Variants in KCNJ6 observed in about 807,000 individuals in gnomAD.
KCNJ6 encodes the protein G protein-activated inward rectifier potassium channel 2.
In KCNJ6, 9 loss-of-function variants were observed where a neutral mutation model predicts 34.2. That is an observed-to-expected ratio of 0.26 (90% CI 0.16 to 0.46). The LOEUF (loss-of-function observed/expected upper bound fraction) is 0.46, where lower values mean the gene tolerates loss of function less well. KCNJ6 is among the 20% of genes least tolerant of loss of function. The pLI, the probability that KCNJ6 is intolerant of heterozygous loss-of-function variation, is 1.00. For missense variants in KCNJ6, 236 were observed against 531.3 expected, an observed-to-expected ratio of 0.44 and a Z score of 5.46; for synonymous variants, 196 against 207.1, an observed-to-expected ratio of 0.95 and a Z score of 0.46.
intron 2 of KCNJ6, chr21:37,719,579 T>C (rs1323224378): frequency 1.3e-5 from 2 of 152,196 alleles, no homozygotes; most frequent in Non-Finnish European, 2.9e-5. Flanking sequence ...GCTGAGAACT[T>C]TGATGATTTA....
At chr21:37,685,958 A>T (rs1163986996) in intron 3 of KCNJ6, among the ~76,000 whole-genome samples, 4 of 152,098 alleles carry the variant, frequency 2.6e-5, no homozygotes, top group African/African-American at 2.4e-5. Context: ...CAATAGGAAT[A>T]TGTATGAATA....
chr21:37,670,955 G>A (rs2123407867), intron 3 of KCNJ6, among the ~76,000 whole-genome samples: 1 of 152,268 alleles, frequency 6.6e-6, no homozygotes, highest in South Asian at 2.1e-4. Context: ...TATTGTCAAT[G>A]GGCCTGTTTT....
At chr21:37,732,649 G>C (rs1231848334) in intron 2 of KCNJ6, among the ~76,000 whole-genome samples, 9 of 152,172 alleles carry the variant, frequency 5.9e-5, no homozygotes, top group African/African-American at 2.2e-4. Flanking sequence ...TCACGACAGA[G>C]GAAAGAATAG....
chr21:37,646,326 T>C (rs982245711), intron 3 of KCNJ6, among the ~76,000 whole-genome samples: 3 of 152,226 alleles, frequency 2.0e-5, no homozygotes, highest in Non-Finnish European at 4.4e-5. Context: ...ATCACCACCA[T>C]GTGCCCAAGT....
At chr21:37,807,444 A>G (rs2055298971) in intron 2 of KCNJ6, among the ~76,000 whole-genome samples, 1 of 152,254 alleles carries the variant, frequency 6.6e-6, no homozygotes, top group African/African-American at 2.4e-5. Flanking sequence ...GTCCATTGTC[A>G]TATTTAAGAA....
chr21:37,673,697 G>A (rs942145871), intron 3 of KCNJ6, among the ~76,000 whole-genome samples: 1 of 152,206 alleles, frequency 6.6e-6, no homozygotes, highest in Non-Finnish European at 1.5e-5. Context: ...TTTTAGAGGT[G>A]TGTTCAGAGT....
At position 37,714,868 on chromosome 21, in the gene KCNJ6, C is replaced by A. The variant is rs1569450718; in HGVS notation, c.289G>T (p.Val97Phe). ...LKWRFNLLIF[V>F]MVYTVTWLFF... is the part of the protein sequence containing the mutation. ...AGCCAGGTCACTGTGTAAACCATGA[C>A]AAAAATCAATAGGTTGAATCTCCAC... Residue 97 changes from valine (V) to phenylalanine (F), a missense_variant, in exon 3 of 4, where the codon GTC becomes TTC. By Grantham distance (50) the Val-to-Phe change is conservative. Transcript: ENST00000609713. The surrounding 1 kb of genome is among the most constrained non-coding windows in gnomAD (Gnocchi z 5.9). 6.2e-7 allele frequency: 1 copy of A among 1,614,216 alleles called. No homozygotes were observed. The highest frequency in any genetic ancestry group is 2.2e-5 in the East Asian group (1 of 44,882).
intron 3 of KCNJ6, among the ~76,000 whole-genome samples, chr21:37,640,418 C>T (rs1700222959): frequency 6.6e-6 from 1 of 152,246 alleles, no homozygotes; most frequent in Admixed American, 6.5e-5. Flanking sequence ...TGTGAAGCAT[C>T]ACATGTGAAA....
intron 3 of KCNJ6, among the ~76,000 whole-genome samples, chr21:37,630,294 C>T (rs2054328596): frequency 6.6e-6 from 1 of 152,122 alleles, no homozygotes; most frequent in Non-Finnish European, 1.5e-5. Flanking sequence ...TCTTGATCTC[C>T]TTTGAGCATG....
At chr21:37,893,006 C>T (rs1481455742) in intron 1 of KCNJ6, among the ~76,000 whole-genome samples, 1 of 151,786 alleles carries the variant, frequency 6.6e-6, no homozygotes, top group Non-Finnish European at 1.5e-5. Flanking sequence ...GCGCCCGCCA[C>T]CCAGGCCAGC....
chr21:37,769,135 C>T (rs182144145), intron 2 of KCNJ6, among the ~76,000 whole-genome samples: 4 of 152,314 alleles, frequency 2.6e-5, no homozygotes, highest in African/African-American at 9.6e-5. Flanking sequence ...AGTTAGGACA[C>T]TAGGCTGTGG....
At chr21:37,810,665 G>T (rs1338965565) in intron 2 of KCNJ6, among the ~76,000 whole-genome samples, 1 of 152,050 alleles carries the variant, frequency 6.6e-6, no homozygotes, top group Non-Finnish European at 1.5e-5. Flanking sequence ...TGTGTCTATT[G>T]ACCCTTGATC....
At chr21:37,896,008 C>T (rs555667466) in intron 1 of KCNJ6, among the ~76,000 whole-genome samples, 20 of 152,266 alleles carry the variant, frequency 1.3e-4, no homozygotes, top group African/African-American at 4.1e-4. Flanking sequence ...AAGGGGCTCA[C>T]GGTTCTGCAG....
intron 2 of KCNJ6, 75 bp downstream of exon 2, chr21:37,840,583 G>T: frequency 1.0e-6 from 1 of 961,700 alleles, no homozygotes; most frequent in Non-Finnish European, 1.7e-6. Context: ...ATCATCACAC[G>T]GGATGTCTTT....
intron 2 of KCNJ6, among the ~76,000 whole-genome samples, chr21:37,744,692 G>A (rs951728758): frequency 1.7e-4 from 26 of 152,254 alleles, no homozygotes; most frequent in Admixed American, 7.2e-4. Context: ...CCTATGCAAT[G>A]TTTTTCAGAT....
rs1054360380 is a variant in KCNJ6 at position 37,802,431 on chromosome 21, CAAGGGT to C, written c.25+38221_25+38226del. ...TTATCCAGAGGGCCCAATATAATCA[CAAGGGT>C]CCTTATAAGGGTAGGGCGGGAGGGA... On this transcript the variant is annotated intron_variant, in intron 2 of 3. Coordinates refer to ENST00000609713, the MANE Select transcript of KCNJ6 (RefSeq NM_002240.5). Among the ~76,000 whole-genome samples, 43 of 150,808 alleles carry C rather than the reference CAAGGGT, an allele frequency of 2.9e-4. 1 individual carries two copies. Among genetic ancestry groups the C allele is most frequent in the African/African-American group, 9.8e-4 (40 of 40,984 alleles).
At chr21:37,890,677 T>C (rs1349533517) in intron 1 of KCNJ6, among the ~76,000 whole-genome samples, 2 of 152,134 alleles carry the variant, frequency 1.3e-5, no homozygotes, top group Non-Finnish European at 2.9e-5. Context: ...AAAAGAACCA[T>C]GCAATTGTAA....
intron 1 of KCNJ6, among the ~76,000 whole-genome samples, chr21:37,905,173 G>A (rs1160222783): frequency 6.6e-6 from 1 of 152,176 alleles, no homozygotes; most frequent in Non-Finnish European, 1.5e-5. Context: ...CACTAAAGCA[G>A]GTCCATTTTT....
chr21:37,841,409 T>C (rs1464005948), intron 1 of KCNJ6, among the ~76,000 whole-genome samples: 1 of 152,248 alleles, frequency 6.6e-6, no homozygotes, highest in East Asian at 1.9e-4. Flanking sequence ...GTTTAATTTC[T>C]TTGTGTTCCT....
Sources: gnomAD v4.1 joint callset for allele counts (sites outside exome capture counted in the v4.1 genomes callset) on GRCh38, gnomAD v4.1.1 for gene constraint, Gnocchi (gnomAD v3.1) non-coding constraint, MANE v1.5 for transcripts, NCBI Gene and HGNC (gene_info 2026-07-23, HGNC 2026-07-21) for gene names.